Variants in HPR observed in about 807,000 individuals in gnomAD.
The protein encoded by HPR is haptoglobin-related protein.
A neutral mutation model predicts 18.5 loss-of-function variants in HPR; 17 were observed. That is an observed-to-expected ratio of 0.92 (90% CI 0.63 to 1.38). The LOEUF (loss-of-function observed/expected upper bound fraction) is 1.38, where lower values mean the gene tolerates loss of function less well. Ranked by LOEUF, HPR falls within the 40% of genes most tolerant of loss-of-function variation. HPR has a pLI of 0.00. For synonymous variants in HPR, 176 were observed against 165.0 expected (o/e 1.07, Z -0.51); for missense variants, 457 against 432.4 (o/e 1.06, Z -0.51).
Position 72,074,347 on chromosome 16 carries a change from A to G in HPR, c.155A>G (p.Gln52Arg), listed in dbSNP as rs2144074845. The G allele has an allele frequency of 6.2e-7, 1 of 1,614,090 alleles. No homozygotes were observed. Among genetic ancestry groups the G allele is most frequent in the East Asian group, 2.2e-5 (1 of 44,832 alleles). ...TATGTGGAGCACTTGTTTCGCTACC[A>G]GTGTAAGAACTACTACAGACTGCGC... ...NGYVEHLFRY[Q>R]CKNYYRLRTE... Residue 52 changes from glutamine to arginine, a missense_variant, in exon 3 of 5, where the codon CAG (glutamine) becomes CGG (arginine). Transcript: ENST00000540303.
chr16:72,066,193 C>T (rs1365047326), intron 1 of HPR, among the ~76,000 whole-genome samples: 53 of 152,176 alleles, frequency 3.5e-4, no homozygotes, highest in Admixed American at 3.4e-3. Context: ...TTTGTAAATG[C>T]TCTCTTGACT....
chr16:72,073,794 GTGTGTGTGTGTGTGTACATGCC>G (rs769366623), intron 1 of HPR, 76 bp from the exon 2 acceptor site: 2 of 706,412 alleles, frequency 2.8e-6, no homozygotes, highest in South Asian at 4.3e-5. Context: ...GTGTGTGTGC[GTGTGTGTGTGTGTGTACATGCC>G]TGTGTGTGTG....
intron 1 of HPR, among the ~76,000 whole-genome samples, chr16:72,065,732 A>G (rs2041590826): frequency 6.6e-6 from 1 of 152,164 alleles, no homozygotes; most frequent in African/African-American, 2.4e-5. Flanking sequence ...GAACTAGACT[A>G]TGCTCTTTGT....
At chr16:72,069,553 G>A (rs2041633485) in intron 1 of HPR, among the ~76,000 whole-genome samples, 1 of 152,102 alleles carries the variant, frequency 6.6e-6, no homozygotes, top group Admixed American at 6.5e-5. Flanking sequence ...AGACCAAAAG[G>A]AAATGTTATC....
intron 1 of HPR, among the ~76,000 whole-genome samples, chr16:72,063,848 T>C (rs558023414): frequency 5.3e-5 from 8 of 152,010 alleles, no homozygotes; most frequent in Non-Finnish European, 1.0e-4. Flanking sequence ...GTTCAAGCAA[T>C]TCTCCTGCCT....
intron 1 of HPR, among the ~76,000 whole-genome samples, chr16:72,069,837 T>C (rs2041636776): frequency 2.0e-5 from 3 of 152,180 alleles, no homozygotes; most frequent in South Asian, 4.1e-4. Context: ...AAAATACTTA[T>C]TAGTAATAAT....
rs2041686874 is a variant in HPR at position 72,073,965 on chromosome 16, A to G, written c.79A>G (p.Thr27Ala). 7 of 1,614,004 alleles carry G rather than the reference A, an allele frequency of 4.3e-6. No individual in the cohort carries two copies. The highest frequency in any genetic ancestry group is 5.9e-6 in the Non-Finnish European group (7 of 1,179,996). The change falls in exon 2 of 5, where the codon ACG (threonine) becomes GCG (alanine). Residue 27 changes from threonine (T) to alanine (A), a missense_variant. Thr to Ala is a moderately conservative substitution (Grantham distance 58). Coordinates refer to ENST00000540303, the MANE Select transcript of HPR (RefSeq NM_020995.4). ...LFALYSGNDV[T>A]DISDDRFPKP... is the part of the protein sequence containing the mutation. ...TGCACTGTACTCAGGCAATGATGTC[A>G]CGGATATTTCAGGTCAGTCTTTGAG...
At chr16:72,071,658 A>G (rs1204495742) in intron 1 of HPR, among the ~76,000 whole-genome samples, 2 of 152,198 alleles carry the variant, frequency 1.3e-5, no homozygotes, top group South Asian at 2.1e-4. Flanking sequence ...CTTACCCATC[A>G]GTCTGCCCTT....
intron 1 of HPR, among the ~76,000 whole-genome samples, chr16:72,069,363 C>T (rs765753788): frequency 6.6e-6 from 1 of 152,146 alleles, no homozygotes; most frequent in East Asian, 1.9e-4. Context: ...TTTTGAAAGT[C>T]GAGGAAATAA....
Position 72,077,142 on chromosome 16 carries a change from T to C in HPR, c.*61T>C. ...GATTTCAGCCTGGAAGAGGGCAAAG[T>C]GGACGGGAGTGGACAGGAGTGGATG... On this transcript the variant is annotated 3_prime_UTR_variant, in exon 5 of 5. Transcript: ENST00000540303. 1.3e-6 allele frequency: 2 copies of C among 1,514,664 alleles called. No individual in the cohort carries two copies. Among genetic ancestry groups the C allele is most frequent in the Non-Finnish European group, 1.8e-6 (2 of 1,115,244 alleles). The allele number at this position is 1,514,664 out of a possible 1,614,324, so 93.8% of individuals were successfully genotyped here.
intron 1 of HPR, among the ~76,000 whole-genome samples, chr16:72,064,695 A>T (rs2041579197): frequency 6.6e-6 from 1 of 152,198 alleles, no homozygotes; most frequent in Non-Finnish European, 1.5e-5. Context: ...ATTCTGCAAA[A>T]GTAAATTTGC....
intron 4 of HPR, 98 bp from the exon 5 acceptor site, chr16:72,076,205 T>C (rs2041720876): frequency 1.3e-6 from 2 of 1,570,576 alleles, no homozygotes. Flanking sequence ...ATCTTTCCAG[T>C]TTATGCAGCA....
intron 1 of HPR, among the ~76,000 whole-genome samples, chr16:72,069,818 TG>T (rs2041636636): frequency 6.6e-6 from 1 of 152,178 alleles, no homozygotes; most frequent in Admixed American, 6.5e-5. Flanking sequence ...TGCCCCCAAT[TG>T]GTCATTTAAA....
intron 1 of HPR, among the ~76,000 whole-genome samples, chr16:72,073,001 T>C (rs1405674980): frequency 6.6e-6 from 1 of 152,144 alleles, no homozygotes; most frequent in Non-Finnish European, 1.5e-5. Context: ...CGCCAGTCGT[T>C]ATCTATAGAG....
chr16:72,065,879 C>T (rs1490553204), intron 1 of HPR, among the ~76,000 whole-genome samples: 6 of 152,122 alleles, frequency 3.9e-5, no homozygotes, highest in African/African-American at 1.4e-4. Flanking sequence ...GACTGTCTTC[C>T]TTTGCTTACT....
At chr16:72,074,235 T>C (rs374809434) in intron 2 of HPR, 49 bp from the exon 3 acceptor site, 3 of 1,550,838 alleles carry the variant, frequency 1.9e-6, no homozygotes, top group East Asian at 2.3e-5. Context: ...CATGGGTCTC[T>C]GGGAACAATT....
chr16:72,067,490 T>C (rs1199694644), intron 1 of HPR, among the ~76,000 whole-genome samples: 3 of 152,202 alleles, frequency 2.0e-5, no homozygotes, highest in Non-Finnish European at 4.4e-5. Context: ...AAGTTAGGCA[T>C]AGGCCTACAA....
chr16:72,073,735 G>C (rs954217140), intron 1 of HPR, 157 bp from the exon 2 acceptor site: 13 of 1,548,188 alleles, frequency 8.4e-6, no homozygotes, highest in African/African-American at 1.3e-5. Context: ...TCCATATATT[G>C]ATTTTCTTTT....
At chr16:72,075,720 T>C (rs2082031711) in intron 4 of HPR, among the ~76,000 whole-genome samples, 1 of 152,222 alleles carries the variant, frequency 6.6e-6, no homozygotes, top group Non-Finnish European at 1.5e-5. Flanking sequence ...ACCTGCCTCG[T>C]ATTAACTGCA....
Sources: gnomAD v4.1 joint callset for allele counts (sites outside exome capture counted in the v4.1 genomes callset) on GRCh38, gnomAD v4.1.1 for gene constraint, MANE v1.5 for transcripts, NCBI Gene and HGNC (gene_info 2026-07-23, HGNC 2026-07-21) for gene names.